NMBR: variants seen among roughly 807,000 people sequenced by gnomAD.
NMBR encodes the protein neuromedin B receptor.
In NMBR, 16 loss-of-function variants were observed where a neutral mutation model predicts 20.5. The ratio of observed to expected loss-of-function variants is 0.78; its 90% CI spans 0.53 to 1.19. The LOEUF (loss-of-function observed/expected upper bound fraction) is 1.19. Among genes scored for constraint, NMBR ranks in the 50% most tolerant of loss-of-function variants. The pLI is 0.00. For missense variants in NMBR, 582 were observed against 499.1 expected (o/e 1.17, Z -1.58); for synonymous variants, 212 against 196.6 (o/e 1.08, Z -0.65).
chr6:142,087,219 T>G (rs1777216205), intron 2 of NMBR, among the ~76,000 whole-genome samples: 1 of 152,186 alleles, frequency 6.6e-6, no homozygotes, highest in Non-Finnish European at 1.5e-5. Flanking sequence ...TACCAGGAAA[T>G]TCAGATACAG....
chr6:142,125,275 A>G (rs942933086), intron 1 of NMBR, among the ~76,000 whole-genome samples: 3 of 151,854 alleles, frequency 2.0e-5, no homozygotes, highest in Admixed American at 1.3e-4. Flanking sequence ...AGAATCAAAA[A>G]ATGGTAGAGA....
chr6:142,142,957 T>C (rs978271916), intron 1 of NMBR, among the ~76,000 whole-genome samples: 1 of 152,032 alleles, frequency 6.6e-6, no homozygotes, highest in African/African-American at 2.4e-5. Context: ...TGGTGGTGCC[T>C]GCCTGCAGTC....
rs544695044 is a variant in NMBR at position 142,088,353 on chromosome 6, C to T, written c.306G>A (p.Ser102=). 1.1e-5 allele frequency: 17 copies of T among 1,613,936 alleles called. No homozygotes were observed. Among genetic ancestry groups the T allele is most frequent in the Non-Finnish European group, 1.4e-5 (16 of 1,179,994 alleles). ...ACATCCACTCGTCGAAGAAGTAGCG[C>T]GAGGCGTCCACCGGGACGCAGGTGA... ...LLLTCVPVDA[S]RYFFDEWMFG... is the part of the protein sequence containing the mutation. The change falls in exon 2 of 4, where the codon TCG becomes TCA. Residue 102 remains serine, a synonymous_variant. Transcript: ENST00000258042.
intron 1 of NMBR, among the ~76,000 whole-genome samples, chr6:142,099,409 C>T (rs929354422): frequency 1.3e-5 from 2 of 152,126 alleles, no homozygotes; most frequent in African/African-American, 4.8e-5. Flanking sequence ...AAGGCAAAGA[C>T]CTTCTTCACA....
intron 1 of NMBR, among the ~76,000 whole-genome samples, chr6:142,115,750 GT>G (rs1351712996): frequency 6.6e-6 from 1 of 152,068 alleles, no homozygotes; most frequent in Non-Finnish European, 1.5e-5. Context: ...GTTTGCTCCT[GT>G]GGTCATCAAA....
chr6:142,097,757 G>C (rs1414605696), intron 1 of NMBR, among the ~76,000 whole-genome samples: 2 of 151,946 alleles, frequency 1.3e-5, no homozygotes, highest in Non-Finnish European at 2.9e-5. Flanking sequence ...ACCAATAATG[G>C]CACAGATGAT....
chr6:142,109,447 A>G (rs1777719843), intron 1 of NMBR, among the ~76,000 whole-genome samples: 1 of 150,332 alleles, frequency 6.7e-6, no homozygotes, highest in African/African-American at 2.5e-5. Flanking sequence ...AAAAATATAT[A>G]TAATCAGTGT....
rs548751451 is a variant in NMBR at position 142,132,407 on chromosome 6, G to T, written c.-664+14637C>A. Among the ~76,000 whole-genome samples the T allele has an allele frequency of 2.0e-5, 3 of 152,266 alleles. No homozygotes were observed. In the South Asian group the frequency reaches 6.2e-4, roughly 32 times the overall value. ...GTATCTGCTGAAGGACAAAAGAAAG[G>T]ATGGGAAGGATTGTTCTCATGATAT... On this transcript the variant is annotated intron_variant, in intron 1 of 3. Transcript: ENST00000258042.
At position 142,075,708 on chromosome 6, in the gene NMBR, G is replaced by A; in HGVS notation, c.1113C>T (p.Asn371=). The change falls in exon 4 of 4, where the codon AAC becomes AAT. Residue 371 remains asparagine (N), a synonymous_variant. Coordinates refer to ENST00000258042, the MANE Select transcript of NMBR (RefSeq NM_002511.4). ...RMTSLKSNAK[N]MVTNSVLLNG... ...TTAGTAAAACAGAATTGGTCACCATGTTCTTAGCATTGCTTTTCAGAGATG... is the reference window on the plus strand; with the variant it reads ...TTAGTAAAACAGAATTGGTCACCATATTCTTAGCATTGCTTTTCAGAGATG... 6.2e-7 allele frequency: 1 copy of A among 1,613,854 alleles called. No individual in the cohort carries two copies. The highest frequency in any genetic ancestry group is 8.5e-7 in the Non-Finnish European group (1 of 1,179,860).
intron 1 of NMBR, among the ~76,000 whole-genome samples, chr6:142,102,478 A>T (rs571938491): frequency 6.6e-6 from 1 of 152,118 alleles, no homozygotes; most frequent in East Asian, 1.9e-4. Flanking sequence ...TACCCAATGT[A>T]TTTCTCCATG....
At chr6:142,079,015 A>C in intron 2 of NMBR, 112 bp from the exon 3 acceptor site, 5 of 607,060 alleles carry the variant, frequency 8.2e-6, no homozygotes, top group Non-Finnish European at 1.3e-5. Context: ...AAAGGAAGAA[A>C]GGGAGAGAGA....
chr6:142,131,656 G>A (rs1022360765), intron 1 of NMBR, among the ~76,000 whole-genome samples: 2 of 152,090 alleles, frequency 1.3e-5, no homozygotes, highest in Admixed American at 1.3e-4. Flanking sequence ...TTTGGCCCAC[G>A]TATGGTTTAT....
intron 2 of NMBR, among the ~76,000 whole-genome samples, chr6:142,080,162 C>T (rs1307328627): frequency 1.3e-5 from 2 of 151,904 alleles, no homozygotes; most frequent in Non-Finnish European, 2.9e-5. Flanking sequence ...CTAAGATATT[C>T]TGTTAGCTTT....
chr6:142,100,673 A>T (rs930999489), intron 1 of NMBR, among the ~76,000 whole-genome samples: 1 of 152,178 alleles, frequency 6.6e-6, no homozygotes, highest in Admixed American at 6.5e-5. Flanking sequence ...ACAACAGGAA[A>T]ATTGAACTCT....
In NMBR at chr6:142,142,781, G is replaced by A. The variant is rs550576942; in HGVS notation, c.-664+4263C>T. ...ATGTACATAGAAAATTCTAAAGAACGTTCCAAAAAATTAAATTTATAGGCC... is the reference window on the plus strand; with the variant it reads ...ATGTACATAGAAAATTCTAAAGAACATTCCAAAAAATTAAATTTATAGGCC... On this transcript the variant is annotated intron_variant, in intron 1 of 3. Coordinates refer to ENST00000258042, the MANE Select transcript of NMBR (RefSeq NM_002511.4). Among the ~76,000 whole-genome samples the A allele has an allele frequency of 6.4e-4, 98 of 152,000 alleles. 1 individual carries two copies. In the Middle Eastern group the frequency reaches 0.014, roughly 21 times the overall value.
chr6:142,126,230 T>C (rs901697653), intron 1 of NMBR, among the ~76,000 whole-genome samples: 4 of 149,900 alleles, frequency 2.7e-5, no homozygotes, highest in Admixed American at 1.3e-4. Flanking sequence ...ATTTTCCTCC[T>C]TTAAGGGCTT....
chr6:142,145,508 C>T (rs1035870441), intron 1 of NMBR, among the ~76,000 whole-genome samples: 1 of 152,098 alleles, frequency 6.6e-6, no homozygotes, highest in Non-Finnish European at 1.5e-5. Flanking sequence ...ATGATATGTT[C>T]CTCATAGGGT....
At chr6:142,103,103 G>C (rs1399540220) in intron 1 of NMBR, among the ~76,000 whole-genome samples, 2 of 152,144 alleles carry the variant, frequency 1.3e-5, no homozygotes, top group East Asian at 3.8e-4. Flanking sequence ...CAAGGTTCAA[G>C]GTGCCAAAGT....
At chr6:142,099,285 G>A (rs563402246) in intron 1 of NMBR, among the ~76,000 whole-genome samples, 2 of 152,272 alleles carry the variant, frequency 1.3e-5, no homozygotes, top group African/African-American at 2.4e-5. Flanking sequence ...AACTAACTGA[G>A]ACTGGGTAAT....
Sources: allele counts gnomAD v4.1 joint callset (sites outside exome capture counted in the v4.1 genomes callset), GRCh38; gene constraint gnomAD v4.1.1; transcripts MANE v1.5; gene names NCBI Gene and HGNC (gene_info 2026-07-23, HGNC 2026-07-21).